The following COL4A6 variants were observed in gnomAD, a reference collection of about 807,000 sequenced individuals.
COL4A6 encodes collagen alpha-6(IV) chain.
In COL4A6, 59 loss-of-function variants were observed where a neutral mutation model predicts 126.7. The ratio of observed to expected loss-of-function variants is 0.47; its 90% CI spans 0.38 to 0.58. The LOEUF (loss-of-function observed/expected upper bound fraction) is 0.58. Among genes scored for constraint, COL4A6 ranks in the 20% least tolerant of loss-of-function variants. COL4A6 has a pLI of 0.00. For synonymous variants in COL4A6, 547 were observed against 496.6 expected (o/e 1.10, Z -1.35); for missense variants, 1,285 against 1,337.3 (o/e 0.96, Z 0.61).
At chrX:108,180,802 GT>G (rs953265513) in intron 24 of COL4A6, 94 bp downstream of exon 24, 1 of 947,558 alleles carries the variant, frequency 1.1e-6, no homozygotes, top group African/African-American at 1.9e-5. Context: ...CAGGAGGAAT[GT>G]GGATCCCCAA....
At position 108,214,114 on chromosome X, in the gene COL4A6, G is replaced by A; in HGVS notation, c.439C>T (p.Pro147Ser). Residue 147 changes from proline to serine, a missense_variant and splice_region_variant, in exon 6 of 45, where the codon CCC (proline) becomes TCC (serine). Physicochemically the swap from Pro to Ser is moderately conservative, Grantham distance 74. Transcript: ENST00000334504. ...PDGYPGLLGP[P>S]GLPGQKGSKG... ...AATGCAAATATCTGGCAGCATACGG[G>A]TGGTCCGAGAAGCCCAGGATAGCCA... The A allele has an allele frequency of 8.3e-7, 1 of 1,198,277 alleles. No homozygotes were observed.
At chrX:108,208,987 C>G (rs764399751) in intron 8 of COL4A6, among the ~76,000 whole-genome samples, 3 of 112,138 alleles carry the variant, frequency 2.7e-5, no homozygotes, top group South Asian at 3.7e-4. Context: ...GGCAGGAAAA[C>G]AAGTACCTAA....
chrX:108,372,977 A>G (rs1603182575), intron 2 of COL4A6, among the ~76,000 whole-genome samples: 1 of 112,353 alleles, frequency 8.9e-6, no homozygotes, highest in South Asian at 3.7e-4. Context: ...TTCAACCCCA[A>G]AGCTTGTGTT....
Position 108,165,400 on chromosome X carries a change from G to A in COL4A6, c.3778C>T (p.Pro1260Ser). The change falls in exon 38 of 45, where the codon CCC becomes TCC. Residue 1260 changes from proline to serine, a missense_variant. By Grantham distance (74) the Pro-to-Ser change is moderately conservative. Transcript: ENST00000334504. ...TCTCCATCTAGGCCTGGTCGCCCGG[G>A]GTCACCAGGCTGTCCTGCTATGAGT... ...PSLIAGQPGD[P>S]GRPGLDGERG... The A allele has an allele frequency of 8.3e-7, 1 of 1,209,762 alleles. No individual in the cohort carries two copies. Among genetic ancestry groups the A allele is most frequent in the Non-Finnish European group, 1.1e-6 (1 of 894,700 alleles).
At chrX:108,170,104 G>T in intron 35 of COL4A6, 88 bp from the exon 36 acceptor site, 1 of 770,096 alleles carries the variant, frequency 1.3e-6, no homozygotes, top group Non-Finnish European at 1.9e-6. Context: ...CAAAGGCATT[G>T]CGAGGTCCTT....
At chrX:108,295,751 G>T (rs1365656295) in intron 3 of COL4A6, among the ~76,000 whole-genome samples, 1 of 111,545 alleles carries the variant, frequency 9.0e-6, no homozygotes, top group Non-Finnish European at 1.9e-5. Flanking sequence ...GGAAACATAT[G>T]GGTTTTATTT....
chrX:108,209,216 C>A (rs1449335373), intron 8 of COL4A6, among the ~76,000 whole-genome samples: 1 of 112,111 alleles, frequency 8.9e-6, no homozygotes, highest in East Asian at 2.8e-4. Flanking sequence ...CAGCTAAACA[C>A]CATTCACACT....
chrX:108,425,174 T>A (rs1015705501), intron 2 of COL4A6, among the ~76,000 whole-genome samples: 5 of 71,903 alleles, frequency 7.0e-5, no homozygotes, highest in African/African-American at 3.4e-4. Flanking sequence ...TGTATGTGTG[T>A]GTGTGTGTGT....
At chrX:108,234,177 C>T (rs905784990) in intron 3 of COL4A6, among the ~76,000 whole-genome samples, 1 of 112,097 alleles carries the variant, frequency 8.9e-6, no homozygotes, top group African/African-American at 3.2e-5. Flanking sequence ...CCTCAATGTA[C>T]TAGAGAAAGT....
At chrX:108,266,272 A>C (rs1213845658) in intron 3 of COL4A6, among the ~76,000 whole-genome samples, 1 of 111,293 alleles carries the variant, frequency 9.0e-6, no homozygotes, top group Non-Finnish European at 1.9e-5. Flanking sequence ...TCAGAAAATC[A>C]CTTGGTGGGA....
rs189169759 is a variant in COL4A6 at position 108,263,058 on chromosome X, A to G, written c.145-41684T>C. Reference sequence around the variant, plus strand: ...TACTAAGTCCAGGATAATTCATGAGACCACCACAAACATCATGAATGACAG... The same window carrying G: ...TACTAAGTCCAGGATAATTCATGAGGCCACCACAAACATCATGAATGACAG... On this transcript the variant is annotated intron_variant, in intron 3 of 44. Coordinates refer to ENST00000334504, the MANE Select transcript of COL4A6 (RefSeq NM_033641.4). Among the ~76,000 whole-genome samples the G allele has an allele frequency of 2.7e-5, 3 of 111,416 alleles. No individual in the cohort carries two copies. In the East Asian group the frequency reaches 8.5e-4, roughly 32 times the overall value.
At chrX:108,185,592 A>G (rs1429835749) in intron 23 of COL4A6, among the ~76,000 whole-genome samples, 1 of 111,590 alleles carries the variant, frequency 9.0e-6, no homozygotes, top group East Asian at 2.8e-4. Context: ...TTTTATTGTA[A>G]TTCTTCAAGA....
At chrX:108,331,752 G>A (rs1041746558) in intron 2 of COL4A6, among the ~76,000 whole-genome samples, 8 of 111,465 alleles carry the variant, frequency 7.2e-5, no homozygotes, top group Non-Finnish European at 1.5e-4. Context: ...TTGCTACTTT[G>A]TCAGGGGATC....
intron 40 of COL4A6, 56 bp from the exon 41 acceptor site, chrX:108,163,094 G>A: frequency 1.8e-6 from 2 of 1,124,566 alleles, no homozygotes; most frequent in Non-Finnish European, 2.4e-6. Flanking sequence ...GAGGTGACGG[G>A]GGCCCCAGAA....
At chrX:108,160,695 A>G in intron 42 of COL4A6, 41 bp from the exon 43 acceptor site, 1 of 1,092,911 alleles carries the variant, frequency 9.1e-7, no homozygotes. Context: ...TGGTGCAGCT[A>G]ATGACAACAT....
chrX:108,239,589 C>G (rs755652660), intron 3 of COL4A6, among the ~76,000 whole-genome samples: 76 of 111,693 alleles, frequency 6.8e-4, no homozygotes, highest in Non-Finnish European at 9.8e-4. Context: ...GCTCTGTAAA[C>G]CTATAGTCCA....
At chrX:108,310,479 C>A (rs1404064724) in intron 3 of COL4A6, among the ~76,000 whole-genome samples, 2 of 111,813 alleles carry the variant, frequency 1.8e-5, no homozygotes, top group Non-Finnish European at 3.8e-5. Flanking sequence ...TCTCTACAAC[C>A]TAATTGGCTT....
intron 3 of COL4A6, among the ~76,000 whole-genome samples, chrX:108,251,823 C>A (rs1426873189): frequency 1.8e-5 from 2 of 111,431 alleles, no homozygotes; most frequent in Non-Finnish European, 3.8e-5. Flanking sequence ...TCTTTTTCTA[C>A]TTGCCTTTTT....
chrX:108,377,389 C>CT (rs977886430), intron 2 of COL4A6, among the ~76,000 whole-genome samples: 208 of 97,537 alleles, frequency 2.1e-3, no homozygotes, highest in African/African-American at 5.3e-3. Context: ...CTTCCTCTTT[C>CT]TTTTTTTTTT....
Sources: gnomAD v4.1 joint callset for allele counts (sites outside exome capture counted in the v4.1 genomes callset) on GRCh38, gnomAD v4.1.1 for gene constraint, MANE v1.5 for transcripts, NCBI Gene and HGNC (gene_info 2026-07-23, HGNC 2026-07-21) for gene names.